LPAR3: variants seen among roughly 807,000 people sequenced by gnomAD.
LPAR3 encodes LPA receptor 3.
Under a neutral mutation model 17.8 loss-of-function variants are expected in LPAR3, and 7 were observed. The ratio of observed to expected loss-of-function variants is 0.39; its 90% CI spans 0.22 to 0.74. LPAR3 has a LOEUF of 0.74. Among genes scored for constraint, LPAR3 ranks in the 30% least tolerant of loss-of-function variants. The pLI is 0.40. For synonymous variants in LPAR3, 179 were observed against 179.9 expected (o/e 0.99, Z 0.04); for missense variants, 391 against 453.4 (o/e 0.86, Z 1.25).
intron 2 of LPAR3, among the ~76,000 whole-genome samples, chr1:84,839,319 G>A (rs1259699164): frequency 1.3e-5 from 2 of 152,104 alleles, no homozygotes; most frequent in South Asian, 4.2e-4. Flanking sequence ...GGTTCTTAAG[G>A]GAAAAGACAT....
intron 2 of LPAR3, among the ~76,000 whole-genome samples, chr1:84,846,324 G>C (rs1659594343): frequency 6.6e-6 from 1 of 152,174 alleles, no homozygotes; most frequent in Non-Finnish European, 1.5e-5. Context: ...TCTTATTAGA[G>C]AGTCTCAAAA....
intron 2 of LPAR3, among the ~76,000 whole-genome samples, chr1:84,854,723 A>G (rs950188372): frequency 2.0e-5 from 3 of 152,222 alleles, no homozygotes; most frequent in East Asian, 1.9e-4. Context: ...AAAAAACATA[A>G]AGAATAAAAT....
At chr1:84,885,799 G>T (rs1383453514) in intron 1 of LPAR3, among the ~76,000 whole-genome samples, 1 of 152,126 alleles carries the variant, frequency 6.6e-6, no homozygotes, top group Non-Finnish European at 1.5e-5. Context: ...TTGTAAGACT[G>T]GTTACTGTAT....
chr1:84,830,182 G>A (rs1002380648), intron 2 of LPAR3, among the ~76,000 whole-genome samples: 7 of 152,268 alleles, frequency 4.6e-5, no homozygotes, highest in South Asian at 2.1e-4. Context: ...GTTCTCTCTC[G>A]TTCTGATTCT....
intron 2 of LPAR3, among the ~76,000 whole-genome samples, chr1:84,855,566 G>A (rs936219299): frequency 1.3e-5 from 2 of 152,178 alleles, no homozygotes; most frequent in African/African-American, 4.8e-5. Context: ...CAGCTTAAGA[G>A]GAAGGTTTCA....
chr1:84,849,031 T>C (rs1484745435), intron 2 of LPAR3, among the ~76,000 whole-genome samples: 2 of 152,134 alleles, frequency 1.3e-5, no homozygotes, highest in Non-Finnish European at 2.9e-5. Context: ...GCTTGGAACA[T>C]ATCCTGGGGA....
intron 2 of LPAR3, among the ~76,000 whole-genome samples, chr1:84,824,065 G>A (rs9729034): frequency 0.45 from 68,327 of 151,982 alleles, 15,543 homozygotes; most frequent in East Asian, 0.54. Flanking sequence ...AGTGCCCTGG[G>A]GGAATGTATA....
chr1:84,836,946 G>A (rs1236778404), intron 2 of LPAR3, among the ~76,000 whole-genome samples: 3 of 151,618 alleles, frequency 2.0e-5, no homozygotes, highest in Non-Finnish European at 4.4e-5. Flanking sequence ...TCCAATCAGT[G>A]TAGTTAGTAT....
At chr1:84,814,859 A>T (rs1658902640) in intron 2 of LPAR3, among the ~76,000 whole-genome samples, 1 of 152,200 alleles carries the variant, frequency 6.6e-6, no homozygotes, top group African/African-American at 2.4e-5. Flanking sequence ...TGAGATAGTT[A>T]AAAATCTACT....
rs375807496 is a variant in LPAR3, at chr1:84,880,676, G to T, written c.-19+12340C>A. Among the ~76,000 whole-genome samples, 31 of 152,350 alleles carry T rather than the reference G, an allele frequency of 2.0e-4. No individual in the cohort carries two copies. The East Asian group carries it at 6.0e-3, about 29-fold the overall frequency. On this transcript the variant is annotated intron_variant, in intron 1 of 2. Transcript: ENST00000370611. ...GCTTGACCCAGAGTGGGATTTGGAT[G>T]CGGTAACTGACCTGTGGAACTGACT... is the stretch of plus-strand genomic sequence containing the variant.
At chr1:84,888,547 T>C (rs1005894302) in intron 1 of LPAR3, among the ~76,000 whole-genome samples, 8 of 152,212 alleles carry the variant, frequency 5.3e-5, no homozygotes, top group Non-Finnish European at 1.0e-4. Flanking sequence ...TTGAATTACA[T>C]GGTCTGAGTC....
rs540657092 is a variant in LPAR3 at position 84,833,461 on chromosome 1, G to A, written c.737-19290C>T. On this transcript the variant is annotated intron_variant, in intron 2 of 2. Coordinates refer to ENST00000370611, the MANE Select transcript of LPAR3 (RefSeq NM_012152.3). ...CTCCTGGGATTGGTAAGGACTGAGC[G>A]AGAGAATGGATATAAGCCCTCCAGC... 1.6e-4 allele frequency among the ~76,000 whole-genome samples: 24 copies of A among 152,254 alleles called. No individual in the cohort carries two copies. The South Asian group carries it at 4.1e-3, about 26-fold the overall frequency.
In LPAR3 at chr1:84,865,381, C is replaced by T. The variant is rs749162162; in HGVS notation, c.736+4G>A. On this transcript the variant is annotated splice_donor_region_variant and intron_variant, in intron 2 of 2. Coordinates refer to ENST00000370611, the MANE Select transcript of LPAR3 (RefSeq NM_012152.3). ...TGATGGCTTGCTTGGGTCCTCTTAC[C>T]TACCTAAGACAGTCATCACCGTCTT... is the stretch of plus-strand genomic sequence containing the variant. The T allele has an allele frequency of 6.9e-6, 11 of 1,601,996 alleles. No homozygotes were observed. The highest frequency in any genetic ancestry group is 4.5e-5 in the East Asian group (2 of 44,742).
At chr1:84,886,648 A>C (rs1660466088) in intron 1 of LPAR3, among the ~76,000 whole-genome samples, 1 of 152,260 alleles carries the variant, frequency 6.6e-6, no homozygotes, top group African/African-American at 2.4e-5. Flanking sequence ...GCTTGACTGT[A>C]GTAATTACTT....
At chr1:84,816,553 C>T (rs55839458) in intron 2 of LPAR3, among the ~76,000 whole-genome samples, 31,057 of 152,048 alleles carry the variant, frequency 0.2, 4,146 homozygotes, top group East Asian at 0.47. Context: ...AATTCCAGCA[C>T]TTTGGGAGGC....
chr1:84,824,907 T>C (rs994358168), intron 2 of LPAR3, among the ~76,000 whole-genome samples: 2 of 152,218 alleles, frequency 1.3e-5, no homozygotes, highest in South Asian at 4.1e-4. Context: ...TTATTCAACT[T>C]AGATTACCCA....
At chr1:84,880,050 C>T (rs926933569) in intron 1 of LPAR3, among the ~76,000 whole-genome samples, 3 of 152,206 alleles carry the variant, frequency 2.0e-5, no homozygotes, top group African/African-American at 7.2e-5. Context: ...TCACAATGTG[C>T]TGGGTGTGGT....
intron 2 of LPAR3, among the ~76,000 whole-genome samples, chr1:84,821,150 T>C (rs1470283027): frequency 6.6e-6 from 1 of 152,028 alleles, no homozygotes; most frequent in Non-Finnish European, 1.5e-5. Context: ...ACCATTTCTT[T>C]TTTTTTTAAG....
At chr1:84,851,424 G>C (rs1659709946) in intron 2 of LPAR3, among the ~76,000 whole-genome samples, 1 of 152,038 alleles carries the variant, frequency 6.6e-6, no homozygotes, top group Non-Finnish European at 1.5e-5. Flanking sequence ...AGTGCCTACT[G>C]TGTGCCAGGC....
Sources: allele counts gnomAD v4.1 joint callset (sites outside exome capture counted in the v4.1 genomes callset), GRCh38; gene constraint gnomAD v4.1.1; transcripts MANE v1.5; gene names NCBI Gene and HGNC (gene_info 2026-07-23, HGNC 2026-07-21).